FSTL4: variants seen among roughly 807,000 people sequenced by gnomAD.
The protein encoded by FSTL4 is follistatin-related protein 4.
FSTL4 carries 28 observed loss-of-function variants against 78.2 expected under a neutral mutation model. The ratio of observed to expected loss-of-function variants is 0.36; its 90% CI spans 0.27 to 0.49. The LOEUF (loss-of-function observed/expected upper bound fraction) is 0.49. Ranked by LOEUF, FSTL4 falls within the 20% of genes least tolerant of loss-of-function variation. The pLI is 0.98. For missense variants in FSTL4, 922 were observed against 1,084.9 expected (o/e 0.85, Z 2.11); for synonymous variants, 422 against 440.5 (o/e 0.96, Z 0.53).
At chr5:133,600,319 T>A (rs1234383529) in intron 2 of FSTL4, among the ~76,000 whole-genome samples, 1 of 152,116 alleles carries the variant, frequency 6.6e-6, no homozygotes, top group Non-Finnish European at 1.5e-5. Context: ...TTTGGTAGGA[T>A]AGGTGTATGA....
intron 4 of FSTL4, among the ~76,000 whole-genome samples, chr5:133,385,029 C>T (rs1033631669): frequency 1.3e-5 from 2 of 152,172 alleles, no homozygotes; most frequent in Non-Finnish European, 2.9e-5. Context: ...CTGTTCCTTC[C>T]ATAACAGACT....
At position 133,609,288 on chromosome 5, in the gene FSTL4, TAGGTGTGTAGC is replaced by T. The variant is rs752405858; in HGVS notation, c.-11+3026_-11+3036del. ...AAAAGTGTCTGCCCTACACACACTGTAGGTGTGTAGCATTTCATACATGGCATGTTGGCAAT... is the reference window on the plus strand; with the variant it reads ...AAAAGTGTCTGCCCTACACACACTGTATTTCATACATGGCATGTTGGCAAT... On this transcript the variant is annotated intron_variant, in intron 1 of 15. Coordinates refer to ENST00000265342, the MANE Select transcript of FSTL4 (RefSeq NM_015082.2). Among the ~76,000 whole-genome samples the T allele has an allele frequency of 1.4e-3, 208 of 152,318 alleles. No homozygotes were observed. In the Middle Eastern group the frequency reaches 0.061, roughly 45 times the overall value.
chr5:133,838,446 C>T, the FSTL4 span, among the ~76,000 whole-genome samples: 1 of 152,194 alleles, frequency 6.6e-6, no homozygotes, highest in Non-Finnish European at 1.5e-5. Flanking sequence ...CGTGAGTTTC[C>T]AGTCAGATGC....
the FSTL4 span, among the ~76,000 whole-genome samples, chr5:133,811,787 T>G: frequency 6.6e-6 from 1 of 152,184 alleles, no homozygotes; most frequent in African/African-American, 2.4e-5. Flanking sequence ...CCCATCCAGA[T>G]CTGCAGTTGT....
intron 4 of FSTL4, among the ~76,000 whole-genome samples, chr5:133,366,047 C>T (rs748489696): frequency 6.6e-6 from 1 of 152,218 alleles, no homozygotes; most frequent in African/African-American, 2.4e-5. Context: ...CAAGGCCCCA[C>T]CTGCCTGGGC....
intron 4 of FSTL4, among the ~76,000 whole-genome samples, chr5:133,393,212 G>C (rs1561699103): frequency 6.6e-6 from 1 of 152,222 alleles, no homozygotes; most frequent in African/African-American, 2.4e-5. Context: ...AGTGAGGAGA[G>C]GGTATCCAAC....
intron 1 of FSTL4, among the ~76,000 whole-genome samples, chr5:133,609,688 T>C (rs1447641115): frequency 2.6e-5 from 4 of 152,250 alleles, no homozygotes; most frequent in Non-Finnish European, 5.9e-5. Flanking sequence ...CAACACTTGA[T>C]AAATTAGATG....
At chr5:133,209,990 TTCA>T in intron 14 of FSTL4, 198 bp downstream of exon 14, 2 of 485,682 alleles carry the variant, frequency 4.1e-6, no homozygotes, top group South Asian at 3.4e-5. Flanking sequence ...CAGAATCCTA[TTCA>T]TCATCATTAT....
chr5:133,682,859 TG>T, the FSTL4 span, among the ~76,000 whole-genome samples: 1 of 152,180 alleles, frequency 6.6e-6, no homozygotes, highest in South Asian at 2.1e-4. Flanking sequence ...AGGCCTGTGT[TG>T]GGGCAGTGAC....
intron 7 of FSTL4, among the ~76,000 whole-genome samples, chr5:133,239,980 T>C (rs7705274): frequency 0.76 from 115,805 of 152,158 alleles, 44,729 homozygotes; most frequent in African/African-American, 0.89. Flanking sequence ...ACCTCCGGAG[T>C]CAGAAGTGGC....
the FSTL4 span, among the ~76,000 whole-genome samples, chr5:133,781,778 C>T: frequency 4.6e-5 from 7 of 152,208 alleles, no homozygotes; most frequent in African/African-American, 1.7e-4. Context: ...ACGGCAATTC[C>T]TAAATCACAG....
intron 2 of FSTL4, among the ~76,000 whole-genome samples, chr5:133,574,562 A>G (rs577813385): frequency 1.4e-4 from 21 of 152,236 alleles, no homozygotes; most frequent in Non-Finnish European, 2.6e-4. Flanking sequence ...CTATTGTGAC[A>G]TCTATGTTCC....
chr5:133,641,622 A>G, the FSTL4 span, among the ~76,000 whole-genome samples: 1 of 152,168 alleles, frequency 6.6e-6, no homozygotes, highest in East Asian at 1.9e-4. Flanking sequence ...GTATATACAC[A>G]TACATAGGCA....
chr5:133,841,740 C>G, the FSTL4 span, among the ~76,000 whole-genome samples: 1 of 152,224 alleles, frequency 6.6e-6, no homozygotes, highest in Non-Finnish European at 1.5e-5. Context: ...AGCCTGCATT[C>G]TTTCCATTAT....
At chr5:133,600,423 G>GT (rs1194717346) in intron 2 of FSTL4, among the ~76,000 whole-genome samples, 1 of 46,356 alleles carries the variant, frequency 2.2e-5, no homozygotes, top group African/African-American at 6.4e-5. Context: ...TAGGATAAAG[G>GT]GGGGGGGGAT....
At chr5:133,661,765 G>A in the FSTL4 span, among the ~76,000 whole-genome samples, 1 of 152,174 alleles carries the variant, frequency 6.6e-6, no homozygotes, top group Non-Finnish European at 1.5e-5. Context: ...CAAAGCTCTT[G>A]TTTATAAAGA....
intron 3 of FSTL4, among the ~76,000 whole-genome samples, chr5:133,430,858 A>T (rs1157194705): frequency 1.3e-5 from 2 of 152,204 alleles, no homozygotes; most frequent in Non-Finnish European, 2.9e-5. Flanking sequence ...TCTTCAGTAA[A>T]GGCCCCGCAG....
chr5:133,785,846 G>C, the FSTL4 span, among the ~76,000 whole-genome samples: 3 of 152,144 alleles, frequency 2.0e-5, no homozygotes, highest in Non-Finnish European at 4.4e-5. Flanking sequence ...ACAATCACCT[G>C]CCCGTTCTCC....
At chr5:133,670,028 T>C in the FSTL4 span, among the ~76,000 whole-genome samples, 1 of 152,040 alleles carries the variant, frequency 6.6e-6, no homozygotes, top group African/African-American at 2.4e-5. Flanking sequence ...ACCCCTGTGT[T>C]TGCTACACGC....
Sources: allele counts gnomAD v4.1 joint callset (sites outside exome capture counted in the v4.1 genomes callset), GRCh38; gene constraint gnomAD v4.1.1; transcripts MANE v1.5; gene names NCBI Gene and HGNC (gene_info 2026-07-23, HGNC 2026-07-21).